The following LILRA1 variants were observed in gnomAD, a reference collection of about 807,000 sequenced individuals.
LILRA1 encodes leukocyte immunoglobulin like receptor A1, also known as leukocyte immunoglobulin-like receptor subfamily A member 1.
A neutral mutation model predicts 51.6 loss-of-function variants in LILRA1; 51 were observed. That is an observed-to-expected ratio of 0.99 (90% CI 0.79 to 1.25). The LOEUF is 1.25. Among genes scored for constraint, LILRA1 ranks in the 50% most tolerant of loss-of-function variants. The probability of loss-of-function intolerance (pLI) is 0.00; values close to 1 mark genes in which losing one functional copy is unlikely to be tolerated. For missense variants in LILRA1, 660 were observed against 611.7 expected (o/e 1.08, Z -0.83); for synonymous variants, 305 against 248.4 (o/e 1.23, Z -2.14).
In LILRA1 at chr19:54,600,830, A is replaced by G; in HGVS notation, c.*13A>G. On this transcript the variant is annotated 3_prime_UTR_variant, in exon 10 of 10. Coordinates refer to ENST00000251372, the MANE Select transcript of LILRA1 (RefSeq NM_006863.4). Reference sequence around the variant, plus strand: ...GAGAAGCCTCTGAGATGCAGCCGGGAGGTGAACAGCAGAGAGAAGAATGTA... The same window carrying G: ...GAGAAGCCTCTGAGATGCAGCCGGGGGGTGAACAGCAGAGAGAAGAATGTA... 1.2e-6 allele frequency: 2 copies of G among 1,613,548 alleles called. No individual in the cohort carries two copies. Among genetic ancestry groups the G allele is most frequent in the South Asian group, 2.2e-5 (2 of 91,056 alleles).
rs74905518 is a variant in LILRA1, at chr19:54,600,831, G to A, written c.*14G>A. 0.047 allele frequency: 75,076 copies of A among 1,613,138 alleles called. 1,930 individuals are homozygous for A. Among genetic ancestry groups the A allele is most frequent in the South Asian group, 0.059 (5,343 of 91,052 alleles). ...AGAAGCCTCTGAGATGCAGCCGGGAGGTGAACAGCAGAGAGAAGAATGTAC... is the reference window on the plus strand; with the variant it reads ...AGAAGCCTCTGAGATGCAGCCGGGAAGTGAACAGCAGAGAGAAGAATGTAC... On this transcript the variant is annotated 3_prime_UTR_variant, in exon 10 of 10. Transcript: ENST00000251372.
At chr19:54,596,830 G>A (rs1427955007) in intron 7 of LILRA1, among the ~76,000 whole-genome samples, 1 of 151,934 alleles carries the variant, frequency 6.6e-6, no homozygotes, top group Non-Finnish European at 1.5e-5. Context: ...TCATGCCACT[G>A]CACTCAATCC....
intron 1 of LILRA1, 88 bp downstream of exon 1, chr19:54,593,869 C>T (rs1206331890): frequency 1.4e-5 from 9 of 655,832 alleles, no homozygotes; most frequent in East Asian, 4.4e-5. Context: ...GGGAAGCCTC[C>T]GTTACCCTCA....
intron 8 of LILRA1, 114 bp from the exon 9 acceptor site, chr19:54,600,398 G>T: frequency 1.1e-6 from 1 of 951,158 alleles, no homozygotes. Context: ...TACACAGGAA[G>T]GGTTTATTGA....
chr19:54,594,334 C>A, intron 2 of LILRA1, 56 bp downstream of exon 2: 1 of 1,613,604 alleles, frequency 6.2e-7, no homozygotes, highest in Non-Finnish European at 8.5e-7. Context: ...CACCCCACAG[C>A]CGACCTCTAG....
rs141328341 is a variant in LILRA1 at position 54,595,312 on chromosome 19, C to T, written c.571C>T (p.Arg191Cys). 32 of 1,613,958 alleles carry T rather than the reference C, an allele frequency of 2.0e-5. No homozygotes were observed. The highest frequency in any genetic ancestry group is 3.3e-4 in the Middle Eastern group (2 of 6,082). Residue 191 changes from arginine to cysteine, a missense_variant, in exon 5 of 10, where the codon CGC (arginine) becomes TGC (cysteine). Coordinates refer to ENST00000251372, the MANE Select transcript of LILRA1 (RefSeq NM_006863.4). ...IFSVGPVSPS[R>C]RWSYRCYAYD... The stretch of plus-strand genomic sequence containing the variant: ...CTCTGTGGGCCCCGTGAGCCCGAGT[C>T]GCAGGTGGTCGTACAGGTGCTATGC...
rs1213402432 is a variant in LILRA1 at position 54,594,969 on chromosome 19, G to A, written c.358+17G>A. On this transcript the variant is annotated intron_variant, in intron 4 of 9. Coordinates refer to ENST00000251372, the MANE Select transcript of LILRA1 (RefSeq NM_006863.4). ...TGGTGACAGGTGAGCTGACACTGAGGGCTCCCAGCCCCAGGCTCTGCCCTC... is the reference window on the plus strand; with the variant it reads ...TGGTGACAGGTGAGCTGACACTGAGAGCTCCCAGCCCCAGGCTCTGCCCTC... 7.4e-6 allele frequency: 12 copies of A among 1,613,066 alleles called. No homozygotes were observed. Among genetic ancestry groups the A allele is most frequent in the Non-Finnish European group, 9.3e-6 (11 of 1,179,492 alleles).
At chr19:54,599,849 T>C (rs2063133623) in intron 8 of LILRA1, 1 of 178,800 alleles carries the variant, frequency 5.6e-6, no homozygotes, top group Admixed American at 5.8e-5. Context: ...TTGTTCCTGG[T>C]CTAGATTCAC....
At chr19:54,597,670 A>C (rs1025581817) in intron 7 of LILRA1, among the ~76,000 whole-genome samples, 1 of 151,876 alleles carries the variant, frequency 6.6e-6, no homozygotes, top group Non-Finnish European at 1.5e-5. Flanking sequence ...GAGGACAGAC[A>C]GACGGTCCCT....
In LILRA1 at chr19:54,600,858, C is replaced by T; in HGVS notation, c.*41C>T. The T allele has an allele frequency of 6.2e-7, 1 of 1,607,598 alleles. No individual in the cohort carries two copies. Reference sequence around the variant, plus strand: ...TGAACAGCAGAGAGAAGAATGTACCCTTCAGAGTGGTGGAGCCTTGGGAAC... The same window carrying T: ...TGAACAGCAGAGAGAAGAATGTACCTTTCAGAGTGGTGGAGCCTTGGGAAC... On this transcript the variant is annotated 3_prime_UTR_variant, in exon 10 of 10. Transcript: ENST00000251372.
chr19:54,600,673 G>A (rs2146089731), intron 9 of LILRA1, 26 bp from the exon 10 acceptor site: 1 of 1,613,796 alleles, frequency 6.2e-7, no homozygotes, highest in East Asian at 2.2e-5. Context: ...CCTGACCTCT[G>A]TGACCTCTTT....
intron 9 of LILRA1, 60 bp downstream of exon 9, chr19:54,600,610 G>C: frequency 6.2e-7 from 1 of 1,612,084 alleles, no homozygotes; most frequent in Non-Finnish European, 8.5e-7. Flanking sequence ...CCTGTCAAGG[G>C]TAAGGAGGTG....
intron 8 of LILRA1, among the ~76,000 whole-genome samples, chr19:54,599,908 G>A (rs2063134377): frequency 2.0e-5 from 3 of 152,042 alleles, no homozygotes; most frequent in African/African-American, 7.2e-5. Context: ...AACCTTGAGT[G>A]ACATCTCCAT....
intron 7 of LILRA1, 113 bp from the exon 8 acceptor site, chr19:54,599,123 G>A: frequency 1.6e-6 from 2 of 1,268,510 alleles, no homozygotes; most frequent in Non-Finnish European, 1.0e-6. Context: ...GTCTACCCAG[G>A]ACACCCACCT....
At position 54,595,181 on chromosome 19, in the gene LILRA1, C is replaced by T; in HGVS notation, c.440C>T (p.Ser147Leu). Residue 147 changes from serine to leucine, a missense_variant, in exon 5 of 10, where the codon TCA becomes TTA. Physicochemically the swap from Ser to Leu is moderately radical, Grantham distance 145. Coordinates refer to ENST00000251372, the MANE Select transcript of LILRA1 (RefSeq NM_006863.4). ...GGGAACGTGACCCTCCATTGTGTCT[C>T]ACAGGTGGCATTTGGCAGCTTCATT... The part of the protein sequence containing the change: ...SGGNVTLHCV[S>L]QVAFGSFILC... 1 of 1,614,132 alleles carries T rather than the reference C, an allele frequency of 6.2e-7. No homozygotes were observed. Among genetic ancestry groups the T allele is most frequent in the Non-Finnish European group, 8.5e-7 (1 of 1,180,000 alleles).
chr19:54,594,687 C>A lies in LILRA1; in HGVS notation c.93C>A (p.Leu31=), dbSNP rs73612456. Residue 31 remains leucine (L), a synonymous_variant, in exon 4 of 10, where the codon CTC becomes CTA. Coordinates refer to ENST00000251372, the MANE Select transcript of LILRA1 (RefSeq NM_006863.4). The part of the protein sequence containing the change: ...VQAGTLPKPT[L]WAEPGSVITQ... Reference sequence around the variant, plus strand: ...CAGGGACCCTCCCCAAGCCCACACTCTGGGCTGAGCCAGGCTCTGTGATCA... The same window carrying A: ...CAGGGACCCTCCCCAAGCCCACACTATGGGCTGAGCCAGGCTCTGTGATCA... 2,399 of 1,613,214 alleles carry A rather than the reference C, an allele frequency of 1.5e-3. 4 individuals carry two copies. In the African/African-American group the frequency reaches 0.029, roughly 19 times the overall value.
chr19:54,596,025 G>T (rs35609557), intron 6 of LILRA1, 90 bp downstream of exon 6: 60,649 of 1,559,608 alleles, frequency 0.039, 1,300 homozygotes, highest in Middle Eastern at 0.085. Context: ...AATGAGGGGT[G>T]GGGGTCCCAA....
chr19:54,601,663 T>A lies in LILRA1; in HGVS notation c.*846T>A, dbSNP rs1299926901. 6.6e-6 allele frequency: 1 copy of A among 152,242 alleles called. No homozygotes were observed. Among genetic ancestry groups the A allele is most frequent in the Non-Finnish European group, 1.5e-5 (1 of 68,050 alleles). 9.4% of individuals were successfully genotyped at this position (152,242 alleles called of 1,614,324 possible). ...ATAGGCATTTGCAGTGTGTTGGTGA[T>A]CCACGAAAGGAAAATCACGGAAGCA... On this transcript the variant is annotated 3_prime_UTR_variant, in exon 10 of 10. Coordinates refer to ENST00000251372, the MANE Select transcript of LILRA1 (RefSeq NM_006863.4).
intron 3 of LILRA1, 46 bp downstream of exon 3, chr19:54,594,522 A>AC: frequency 6.2e-7 from 1 of 1,613,962 alleles, no homozygotes; most frequent in Non-Finnish European, 8.5e-7. Context: ...CTCACTGGGG[A>AC]CAAGGGGCCA....
Sources: allele counts gnomAD v4.1 joint callset (sites outside exome capture counted in the v4.1 genomes callset), GRCh38; gene constraint gnomAD v4.1.1; transcripts MANE v1.5; gene names NCBI Gene and HGNC (gene_info 2026-07-23, HGNC 2026-07-21).